The following VGLL3 variants were observed in gnomAD, a reference collection of about 807,000 sequenced individuals.
VGLL3 encodes vestigial like family member 3, also known as transcription cofactor vestigial-like protein 3.
Under a neutral mutation model 29.2 loss-of-function variants are expected in VGLL3, and 18 were observed. That is an observed-to-expected ratio of 0.62 (90% CI 0.43 to 0.91). The LOEUF (loss-of-function observed/expected upper bound fraction) is 0.91, where lower values mean the gene tolerates loss of function less well. Among genes scored for constraint, VGLL3 ranks in the 40% least tolerant of loss-of-function variants. The probability of loss-of-function intolerance (pLI) is 0.00; values close to 1 mark genes in which losing one functional copy is unlikely to be tolerated. For synonymous variants in VGLL3, 180 were observed against 151.8 expected, an observed-to-expected ratio of 1.19 and a Z score of -1.36; for missense variants, 440 against 413.2, an observed-to-expected ratio of 1.06 and a Z score of -0.56.
At chr3:86,948,630 G>A (rs182155567) in intron 3 of VGLL3, among the ~76,000 whole-genome samples, 4 of 152,066 alleles carry the variant, frequency 2.6e-5, no homozygotes, top group African/African-American at 4.8e-5. Flanking sequence ...ATTACAAGTC[G>A]CAATCTCTGT....
chr3:86,943,386 C>T lies in VGLL3; in HGVS notation c.*3638G>A, dbSNP rs964836416. 13 of 152,106 alleles carry T rather than the reference C, an allele frequency of 8.5e-5. No individual in the cohort carries two copies. The highest frequency in any genetic ancestry group is 3.3e-4 in the Admixed American group (5 of 15,270). The allele number at this position is 152,106 out of a possible 1,614,324, so 9.4% of individuals were successfully genotyped here. On this transcript the variant is annotated 3_prime_UTR_variant, in exon 4 of 4. Coordinates refer to ENST00000398399, the MANE Select transcript of VGLL3 (RefSeq NM_016206.4). ...ATACAACATTAAACCAGATAGCAAACTCAAAAGCTAGATAGGGTGACATAT... is the reference window on the plus strand; with the variant it reads ...ATACAACATTAAACCAGATAGCAAATTCAAAAGCTAGATAGGGTGACATAT...
At chr3:86,958,093 C>T (rs1704761187) in intron 3 of VGLL3, among the ~76,000 whole-genome samples, 1 of 152,088 alleles carries the variant, frequency 6.6e-6, no homozygotes, top group Non-Finnish European at 1.5e-5. Flanking sequence ...TTTTCTTTTT[C>T]AGTCAGCAAT....
chr3:86,983,423 C>T (rs1184390209), intron 1 of VGLL3, among the ~76,000 whole-genome samples: 1 of 152,160 alleles, frequency 6.6e-6, no homozygotes, highest in Non-Finnish European at 1.5e-5. Flanking sequence ...GCACTCATTG[C>T]ACTCATTGCC....
At chr3:86,986,503 G>A (rs1022996538) in intron 1 of VGLL3, among the ~76,000 whole-genome samples, 5 of 152,168 alleles carry the variant, frequency 3.3e-5, no homozygotes, top group African/African-American at 1.2e-4. Flanking sequence ...AAGTCTCGAA[G>A]TCTCTACAGT....
intron 1 of VGLL3, among the ~76,000 whole-genome samples, chr3:86,983,446 C>A (rs1705371189): frequency 6.6e-6 from 1 of 152,162 alleles, no homozygotes. Flanking sequence ...GGCTGGAGTG[C>A]AATGGCGTGA....
intron 1 of VGLL3, among the ~76,000 whole-genome samples, chr3:86,979,586 T>A (rs1407439049): frequency 1.3e-5 from 2 of 152,152 alleles, no homozygotes; most frequent in East Asian, 3.8e-4. Flanking sequence ...TTCAGACATG[T>A]TTCTAAAACT....
intron 3 of VGLL3, among the ~76,000 whole-genome samples, chr3:86,966,173 G>A (rs970330456): frequency 6.6e-6 from 1 of 151,972 alleles, no homozygotes; most frequent in African/African-American, 2.4e-5. Context: ...CTTGGATTAC[G>A]TTTTTCAGAG....
chr3:86,990,979 C>A lies in VGLL3; in HGVS notation c.-236G>T. ...TTCATCTTCAGCCCCTCCGGATGTT[C>A]CCTGCCGCGCTTATATAGCGGCTCA... On this transcript the variant is annotated 5_prime_UTR_variant, in exon 1 of 4. Coordinates refer to ENST00000398399, the MANE Select transcript of VGLL3 (RefSeq NM_016206.4). The A allele has an allele frequency of 9.8e-7, 1 of 1,017,934 alleles. No homozygotes were observed. The highest frequency in any genetic ancestry group is 1.2e-6 in the Non-Finnish European group (1 of 845,230). 63.1% of individuals were successfully genotyped at this position (1,017,934 alleles called of 1,614,324 possible).
intron 3 of VGLL3, among the ~76,000 whole-genome samples, chr3:86,953,591 A>G (rs1260382846): frequency 6.6e-6 from 1 of 152,078 alleles, no homozygotes; most frequent in Non-Finnish European, 1.5e-5. Flanking sequence ...ACCCATATTT[A>G]TATATTTTTC....
intron 2 of VGLL3, among the ~76,000 whole-genome samples, chr3:86,977,213 A>AAGGAG (rs542413690): frequency 1.3e-5 from 2 of 152,034 alleles, no homozygotes; most frequent in Non-Finnish European, 2.9e-5. Context: ...GAAAAAAAAG[A>AAGGAG]AGGAGAGGAG....
intron 3 of VGLL3, among the ~76,000 whole-genome samples, chr3:86,949,303 T>A (rs979085844): frequency 2.6e-5 from 4 of 152,214 alleles, no homozygotes; most frequent in Non-Finnish European, 5.9e-5. Context: ...CTTGTTTCCA[T>A]GTCTCTGCAT....
At chr3:86,971,406 T>C (rs1705098023) in intron 2 of VGLL3, among the ~76,000 whole-genome samples, 1 of 152,200 alleles carries the variant, frequency 6.6e-6, no homozygotes, top group Non-Finnish European at 1.5e-5. Context: ...GTCACACAGC[T>C]ATTCACAGTC....
In VGLL3 at chr3:86,973,869, A is replaced by G. The variant is rs116324837; in HGVS notation, c.403+4657T>C. The stretch of plus-strand genomic sequence containing the variant: ...CAACTGCAATATCAGTAAGATTAGC[A>G]TTCTGTATGGTTTTAAGTCAGTGAT... On this transcript the variant is annotated intron_variant, in intron 2 of 3. Coordinates refer to ENST00000398399, the MANE Select transcript of VGLL3 (RefSeq NM_016206.4). 7.6e-3 allele frequency among the ~76,000 whole-genome samples: 1,150 copies of G among 152,314 alleles called. 19 individuals are homozygous for G. The highest frequency in any genetic ancestry group is 0.025 in the African/African-American group (1,045 of 41,568).
chr3:86,980,032 G>A (rs145220350), intron 1 of VGLL3, among the ~76,000 whole-genome samples: 1 of 151,822 alleles, frequency 6.6e-6, no homozygotes, highest in East Asian at 1.9e-4. Context: ...TACATATAAG[G>A]AGATAATGCT....
intron 3 of VGLL3, among the ~76,000 whole-genome samples, chr3:86,966,242 G>T (rs1704956908): frequency 6.6e-6 from 1 of 152,046 alleles, no homozygotes; most frequent in Non-Finnish European, 1.5e-5. Flanking sequence ...TGTATAACAA[G>T]GAAGGTGTCT....
chr3:86,939,138 AC>A lies in VGLL3; in HGVS notation c.*7885del, dbSNP rs1277345084. On this transcript the variant is annotated 3_prime_UTR_variant, in exon 4 of 4. Transcript: ENST00000398399. The stretch of plus-strand genomic sequence containing the variant: ...GCAATTATTTAATGAATGAAGATAA[AC>A]CCCCACACAAATGCCAACGCAAACA... The A allele has an allele frequency of 6.6e-6, 1 of 152,192 alleles. No homozygotes were observed. Among genetic ancestry groups the A allele is most frequent in the Non-Finnish European group, 1.5e-5 (1 of 68,042 alleles). 9.4% of individuals were successfully genotyped at this position (152,192 alleles called of 1,614,324 possible).
In VGLL3 at chr3:86,942,886, TGAAGA is replaced by T. The variant is rs1704427448; in HGVS notation, c.*4133_*4137del. 1 of 152,194 alleles carries T rather than the reference TGAAGA, an allele frequency of 6.6e-6. No individual in the cohort carries two copies. Among genetic ancestry groups the T allele is most frequent in the East Asian group, 1.9e-4 (1 of 5,200 alleles). The allele number at this position is 152,194 out of a possible 1,614,324, so 9.4% of individuals were successfully genotyped here. A position where few individuals can be genotyped will look rare whatever the true frequency, so the allele number is the denominator to read the frequency against. On this transcript the variant is annotated 3_prime_UTR_variant, in exon 4 of 4. Transcript: ENST00000398399. ...ATTGCTGCAGAAACGGATATGGATG[TGAAGA>T]GAAGAGACCTTTGGGAGCTCAATTT...
chr3:86,981,786 G>T (rs1705330708), intron 1 of VGLL3, among the ~76,000 whole-genome samples: 1 of 151,932 alleles, frequency 6.6e-6, no homozygotes, highest in African/African-American at 2.4e-5. Flanking sequence ...TTCAGATAAA[G>T]TTAGGTTAAT....
chr3:86,979,170 G>A (rs1705273265), intron 1 of VGLL3, among the ~76,000 whole-genome samples: 1 of 152,074 alleles, frequency 6.6e-6, no homozygotes, highest in Non-Finnish European at 1.5e-5. Context: ...CCCAGTTTTG[G>A]TTTATTTTTA....
Sources: allele counts gnomAD v4.1 joint callset (sites outside exome capture counted in the v4.1 genomes callset), GRCh38; gene constraint gnomAD v4.1.1; transcripts MANE v1.5; gene names NCBI Gene and HGNC (gene_info 2026-07-23, HGNC 2026-07-21).